SHROOM3: variants seen among roughly 807,000 people sequenced by gnomAD.
SHROOM3 encodes the protein shroom family member 3, also known as protein Shroom3.
SHROOM3 carries 47 observed loss-of-function variants against 138.6 expected under a neutral mutation model. The ratio of observed to expected loss-of-function variants is 0.34; its 90% CI spans 0.27 to 0.43. The LOEUF (loss-of-function observed/expected upper bound fraction) is 0.43. SHROOM3 is among the 20% of genes least tolerant of loss of function. The pLI is 1.00. For missense variants in SHROOM3, 2,491 were observed against 2,596.5 expected, an observed-to-expected ratio of 0.96 and a Z score of 0.88; for synonymous variants, 1,062 against 1,063.3, an observed-to-expected ratio of 1.00 and a Z score of 0.02.
At chr4:76,547,891 C>T (rs183662959) in intron 1 of SHROOM3, among the ~76,000 whole-genome samples, 1 of 151,356 alleles carries the variant, frequency 6.6e-6, no homozygotes, top group African/African-American at 2.4e-5. Flanking sequence ...GATTGCATCA[C>T]TGCACTCCAG....
At chr4:76,606,490 G>A (rs915150334) in intron 2 of SHROOM3, among the ~76,000 whole-genome samples, 1 of 151,878 alleles carries the variant, frequency 6.6e-6, no homozygotes, top group Non-Finnish European at 1.5e-5. Flanking sequence ...GATCATTTGA[G>A]GTCAGGAGTT....
At chr4:76,575,357 G>A (rs1006853651) in intron 2 of SHROOM3, among the ~76,000 whole-genome samples, 13 of 152,134 alleles carry the variant, frequency 8.5e-5, no homozygotes, top group African/African-American at 1.9e-4. Context: ...CCTAGCTAGA[G>A]CAATTAGACA....
intron 1 of SHROOM3, among the ~76,000 whole-genome samples, chr4:76,553,633 G>A (rs1381112135): frequency 6.6e-6 from 1 of 152,000 alleles, no homozygotes; most frequent in Non-Finnish European, 1.5e-5. Flanking sequence ...TGGGATTACA[G>A]GTGTGTGCCA....
At chr4:76,755,506 CAAAAG>C (rs1721777391) in intron 7 of SHROOM3, among the ~76,000 whole-genome samples, 1 of 152,078 alleles carries the variant, frequency 6.6e-6, no homozygotes, top group Admixed American at 6.6e-5. Context: ...GGAAATAAGA[CAAAAG>C]AGGAGGGCAT....
At chr4:76,494,046 C>T (rs980000103) in intron 1 of SHROOM3, among the ~76,000 whole-genome samples, 2 of 151,950 alleles carry the variant, frequency 1.3e-5, no homozygotes, top group Admixed American at 6.6e-5. Flanking sequence ...ATCCTTTTTA[C>T]GGTCCTTGTT....
rs532163562 is a variant in SHROOM3, at chr4:76,675,699, T to A, written c.324-34457T>A. On this transcript the variant is annotated intron_variant, in intron 2 of 10. Coordinates refer to ENST00000296043, the MANE Select transcript of SHROOM3 (RefSeq NM_020859.4). ...ATAGAGGCCCCATTTTTATAAAAAA[T>A]TTAAAGATTATCTGGTCATGATGAT... Among the ~76,000 whole-genome samples the A allele has an allele frequency of 4.0e-3, 606 of 152,202 alleles. 5 individuals carry two copies. Among genetic ancestry groups the A allele is most frequent in the African/African-American group, 0.014 (580 of 41,526 alleles).
chr4:76,707,209 T>G (rs1445720221), intron 2 of SHROOM3, among the ~76,000 whole-genome samples: 1 of 152,202 alleles, frequency 6.6e-6, no homozygotes, highest in Non-Finnish European at 1.5e-5. Context: ...GGGTTAGTAA[T>G]TGTAACGCCT....
chr4:76,497,952 A>G (rs1732004169), intron 1 of SHROOM3, among the ~76,000 whole-genome samples: 1 of 152,232 alleles, frequency 6.6e-6, no homozygotes. Context: ...CCCAAAGTGT[A>G]TCGAGCCCCT....
intron 9 of SHROOM3, among the ~76,000 whole-genome samples, chr4:76,770,342 A>C (rs1008180825): frequency 2.7e-5 from 4 of 149,240 alleles, no homozygotes; most frequent in South Asian, 2.1e-4. Context: ...AAAAAAAAAA[A>C]AAAAAAAAAC....
At position 76,748,646 on chromosome 4, in the gene SHROOM3, A is replaced by G. The variant is rs550390985; in HGVS notation, c.3754-371A>G. On this transcript the variant is annotated intron_variant, in intron 5 of 10. Coordinates refer to ENST00000296043, the MANE Select transcript of SHROOM3 (RefSeq NM_020859.4). The stretch of plus-strand genomic sequence containing the variant: ...TCATCTCTCATATTTCCCTATTGCC[A>G]TTTGAAAAGTTTGGCCCATTGAATT... Among the ~76,000 whole-genome samples, 8 of 152,234 alleles carry G rather than the reference A, an allele frequency of 5.3e-5. No individual in the cohort carries two copies. In the South Asian group the frequency reaches 1.5e-3, roughly 28 times the overall value.
At chr4:76,518,881 G>T (rs746734879) in intron 1 of SHROOM3, among the ~76,000 whole-genome samples, 1 of 152,150 alleles carries the variant, frequency 6.6e-6, no homozygotes, top group African/African-American at 2.4e-5. Flanking sequence ...TACAAAAAGC[G>T]CAAGGGCATA....
At chr4:76,651,388 C>T (rs1039437059) in intron 2 of SHROOM3, among the ~76,000 whole-genome samples, 3 of 118,956 alleles carry the variant, frequency 2.5e-5, no homozygotes, top group East Asian at 2.1e-4. Flanking sequence ...TAACACATCT[C>T]ATGTAACCCA....
intron 3 of SHROOM3, among the ~76,000 whole-genome samples, chr4:76,723,736 C>T (rs1720617546): frequency 6.6e-6 from 1 of 152,168 alleles, no homozygotes; most frequent in African/African-American, 2.4e-5. Context: ...ATTGTTTATT[C>T]TGTATTTACC....
At chr4:76,743,292 C>T (rs1453485378) in intron 5 of SHROOM3, among the ~76,000 whole-genome samples, 2 of 152,238 alleles carry the variant, frequency 1.3e-5, no homozygotes, top group African/African-American at 4.8e-5. Flanking sequence ...GCAACAAATG[C>T]TACTTGCTCT....
chr4:76,595,303 T>C (rs1015199835), intron 2 of SHROOM3, among the ~76,000 whole-genome samples: 3 of 152,354 alleles, frequency 2.0e-5, no homozygotes, highest in African/African-American at 7.2e-5. Flanking sequence ...ACTTTGAACG[T>C]CAGTTCCATT....
In SHROOM3 at chr4:76,755,628, T is replaced by G. The variant is rs192004091; in HGVS notation, c.4709+436T>G. Among the ~76,000 whole-genome samples, 375 of 152,302 alleles carry G rather than the reference T, an allele frequency of 2.5e-3. 3 individuals carry two copies. Among genetic ancestry groups the G allele is most frequent in the African/African-American group, 8.7e-3 (362 of 41,548 alleles). On this transcript the variant is annotated intron_variant, in intron 7 of 10. Transcript: ENST00000296043. The stretch of plus-strand genomic sequence containing the variant: ...ATACTGAACCCCCAAGTTAAACAGC[T>G]TTACCTACCTCATCAAAGGTCATGT...
At chr4:76,599,999 A>T (rs933305440) in intron 2 of SHROOM3, among the ~76,000 whole-genome samples, 1 of 151,816 alleles carries the variant, frequency 6.6e-6, no homozygotes, top group Non-Finnish European at 1.5e-5. Flanking sequence ...TTTTTTTTTT[A>T]AATTAGCCAG....
At chr4:76,533,466 G>T (rs754554435) in intron 1 of SHROOM3, among the ~76,000 whole-genome samples, 2 of 152,198 alleles carry the variant, frequency 1.3e-5, no homozygotes, top group Non-Finnish European at 1.5e-5. Flanking sequence ...TGGAAAACCT[G>T]TTTCCAAAAT....
chr4:76,596,556 A>T (rs1734389700), intron 2 of SHROOM3, among the ~76,000 whole-genome samples: 1 of 150,666 alleles, frequency 6.6e-6, no homozygotes, highest in African/African-American at 2.5e-5. Context: ...GTCTAGATGT[A>T]TAGGTAGGTA....
Sources: allele counts gnomAD v4.1 joint callset (sites outside exome capture counted in the v4.1 genomes callset), GRCh38; gene constraint gnomAD v4.1.1; transcripts MANE v1.5; gene names NCBI Gene and HGNC (gene_info 2026-07-23, HGNC 2026-07-21).